ZNF827: variants seen among roughly 807,000 people sequenced by gnomAD.
The protein encoded by ZNF827 is zinc finger protein 827.
Under a neutral mutation model 102.4 loss-of-function variants are expected in ZNF827, and 13 were observed. That is an observed-to-expected ratio of 0.13 (90% CI 0.08 to 0.20). ZNF827 has a LOEUF of 0.20. ZNF827 is among the 10% of genes least tolerant of loss of function. The probability of loss-of-function intolerance (pLI) is 1.00; values close to 1 mark genes in which losing one functional copy is unlikely to be tolerated. For synonymous variants in ZNF827, 523 were observed against 536.2 expected, an observed-to-expected ratio of 0.98 and a Z score of 0.34; for missense variants, 1,103 against 1,344.4, an observed-to-expected ratio of 0.82 and a Z score of 2.81.
intron 8 of ZNF827, among the ~76,000 whole-genome samples, chr4:145,788,840 C>G: frequency 6.6e-6 from 1 of 152,198 alleles, no homozygotes; most frequent in East Asian, 1.9e-4. Context: ...GAAAAGTAAT[C>G]AGGCCTGAAA....
At chr4:145,804,872 T>C (rs1741252522) in intron 8 of ZNF827, among the ~76,000 whole-genome samples, 1 of 152,222 alleles carries the variant, frequency 6.6e-6, no homozygotes, top group South Asian at 2.1e-4. Flanking sequence ...ATAACAAATA[T>C]TTAAGAATTC....
intron 5 of ZNF827, among the ~76,000 whole-genome samples, chr4:145,853,099 A>G (rs954357362): frequency 1.3e-5 from 2 of 152,242 alleles, no homozygotes; most frequent in African/African-American, 4.8e-5. Context: ...CAAAGAAGAA[A>G]GAAAAAGCTC....
At chr4:145,767,783 G>A (rs984976287) in intron 11 of ZNF827, among the ~76,000 whole-genome samples, 1 of 151,936 alleles carries the variant, frequency 6.6e-6, no homozygotes, top group Non-Finnish European at 1.5e-5. Context: ...CAAAAATGAA[G>A]GCAACAAACA....
At chr4:145,774,927 T>G (rs956162136) in intron 10 of ZNF827, among the ~76,000 whole-genome samples, 10 of 152,346 alleles carry the variant, frequency 6.6e-5, no homozygotes, top group Admixed American at 2.6e-4. Flanking sequence ...TAAATAATCA[T>G]AAAGTTAATT....
chr4:145,815,232 T>C (rs565446363), intron 8 of ZNF827, among the ~76,000 whole-genome samples: 1 of 152,352 alleles, frequency 6.6e-6, no homozygotes, highest in South Asian at 2.1e-4. Context: ...GATGTCTGAA[T>C]GGAACTTCTG....
chr4:145,899,550 C>T (rs1339653626), intron 2 of ZNF827, among the ~76,000 whole-genome samples: 1 of 152,218 alleles, frequency 6.6e-6, no homozygotes, highest in Non-Finnish European at 1.5e-5. Flanking sequence ...GTGAGGGCAT[C>T]CCCTCTTCTG....
chr4:145,880,827 C>A (rs548575814), intron 4 of ZNF827, among the ~76,000 whole-genome samples: 4 of 152,310 alleles, frequency 2.6e-5, no homozygotes, highest in African/African-American at 9.6e-5. Flanking sequence ...AGGGCATGCC[C>A]AGGCGTGGGG....
At chr4:145,844,306 A>T (rs906639151) in intron 7 of ZNF827, among the ~76,000 whole-genome samples, 5 of 151,780 alleles carry the variant, frequency 3.3e-5, no homozygotes, top group African/African-American at 1.2e-4. Context: ...TTCTCTCTGT[A>T]TACTTATATA....
intron 5 of ZNF827, among the ~76,000 whole-genome samples, chr4:145,854,912 C>T (rs1228654154): frequency 6.6e-6 from 1 of 150,518 alleles, no homozygotes; most frequent in Non-Finnish European, 1.5e-5. Flanking sequence ...ATTCATTTCC[C>T]CTCTGCACTG....
chr4:145,790,841 A>T (rs1182193409), intron 8 of ZNF827, among the ~76,000 whole-genome samples: 1 of 152,202 alleles, frequency 6.6e-6, no homozygotes, highest in Non-Finnish European at 1.5e-5. Flanking sequence ...AAATATAACT[A>T]TTCTACTTTG....
chr4:145,912,354 T>G (rs1752353362), intron 1 of ZNF827, among the ~76,000 whole-genome samples: 1 of 152,254 alleles, frequency 6.6e-6, no homozygotes, highest in South Asian at 2.1e-4. Context: ...TTTTGAATAC[T>G]TTTGTTCTCC....
chr4:145,811,938 G>A lies in ZNF827; in HGVS notation c.2383+11484C>T, dbSNP rs1253749606. The stretch of plus-strand genomic sequence containing the variant: ...CTCCAAGCTTTTTTTTTTCTGAGAC[G>A]GACTCTCACTCTGTCACCCAGGCTG... On this transcript the variant is annotated intron_variant, in intron 8 of 14. Coordinates refer to ENST00000508784, the MANE Select transcript of ZNF827 (RefSeq NM_001306215.2). Among the ~76,000 whole-genome samples the A allele has an allele frequency of 6.0e-5, 9 of 149,330 alleles. 1 individual carries two copies. Among genetic ancestry groups the A allele is most frequent in the Admixed American group, 3.4e-4 (5 of 14,814 alleles).
intron 7 of ZNF827, among the ~76,000 whole-genome samples, chr4:145,834,217 T>C (rs919466250): frequency 6.6e-6 from 1 of 152,142 alleles, no homozygotes; most frequent in South Asian, 2.1e-4. Flanking sequence ...TGTCGTAAAA[T>C]AGGCAAACGG....
intron 7 of ZNF827, among the ~76,000 whole-genome samples, chr4:145,824,891 T>C (rs755080273): frequency 2.0e-5 from 3 of 152,244 alleles, no homozygotes; most frequent in Non-Finnish European, 2.9e-5. Context: ...TTCTTTAAAG[T>C]AAAACATACA....
chr4:145,820,328 A>T (rs1332025814), intron 8 of ZNF827, among the ~76,000 whole-genome samples: 1 of 152,236 alleles, frequency 6.6e-6, no homozygotes. Context: ...GGAACTAGGC[A>T]CATTATATCT....
chr4:145,817,561 C>A (rs534898607), intron 8 of ZNF827, among the ~76,000 whole-genome samples: 1 of 152,060 alleles, frequency 6.6e-6, no homozygotes. Flanking sequence ...GAGGAACTGC[C>A]GAACACTTAA....
intron 4 of ZNF827, among the ~76,000 whole-genome samples, chr4:145,875,317 G>T (rs892986919): frequency 6.6e-6 from 1 of 152,120 alleles, no homozygotes; most frequent in Non-Finnish European, 1.5e-5. Flanking sequence ...AAAAGGTTAA[G>T]AAACTGATGC....
intron 7 of ZNF827, among the ~76,000 whole-genome samples, chr4:145,826,539 C>T (rs536852485): frequency 5.9e-5 from 9 of 152,168 alleles, no homozygotes; most frequent in South Asian, 4.2e-4. Context: ...ATTTTGAGAG[C>T]GAGACCACAT....
chr4:145,934,092 A>T (rs1169212487), intron 1 of ZNF827, among the ~76,000 whole-genome samples: 2 of 152,226 alleles, frequency 1.3e-5, no homozygotes, highest in Non-Finnish European at 2.9e-5. Context: ...AAGAGCCATC[A>T]ACAACAGTAG....
Sources: allele counts gnomAD v4.1 joint callset (sites outside exome capture counted in the v4.1 genomes callset), GRCh38; gene constraint gnomAD v4.1.1; transcripts MANE v1.5; gene names NCBI Gene and HGNC (gene_info 2026-07-23, HGNC 2026-07-21).